Variants in SLC4A10 observed in about 807,000 individuals in gnomAD.
SLC4A10 encodes the protein sodium-driven chloride bicarbonate exchanger.
A neutral mutation model predicts 137.7 loss-of-function variants in SLC4A10; 42 were observed. The observed-to-expected ratio is 0.30, with a 90% CI of 0.24 to 0.39. The LOEUF is 0.39. Among genes scored for constraint, SLC4A10 ranks in the 10% least tolerant of loss-of-function variants. The probability of loss-of-function intolerance (pLI) is 1.00; values close to 1 mark genes in which losing one functional copy is unlikely to be tolerated. For synonymous variants in SLC4A10, 474 were observed against 464.1 expected, an observed-to-expected ratio of 1.02 and a Z score of -0.27; for missense variants, 925 against 1,355.0, an observed-to-expected ratio of 0.68 and a Z score of 4.98.
At chr2:161,680,804 T>C (rs968628744) in intron 1 of SLC4A10, among the ~76,000 whole-genome samples, 1 of 152,130 alleles carries the variant, frequency 6.6e-6, no homozygotes, top group Non-Finnish European at 1.5e-5. Context: ...ATTATTTTAA[T>C]AGCAGTCTGC....
intron 8 of SLC4A10, among the ~76,000 whole-genome samples, chr2:161,875,648 G>A (rs1439350269): frequency 1.3e-5 from 2 of 152,124 alleles, no homozygotes; most frequent in African/African-American, 2.4e-5. Flanking sequence ...TGTTGGTGGT[G>A]TTTTCTTTTA....
chr2:161,794,955 G>C (rs2054603366), intron 2 of SLC4A10, among the ~76,000 whole-genome samples: 1 of 151,580 alleles, frequency 6.6e-6, no homozygotes. Context: ...TTCATCAAAA[G>C]TGTCCTGCAA....
intron 2 of SLC4A10, among the ~76,000 whole-genome samples, chr2:161,797,647 A>C (rs2054919410): frequency 6.6e-6 from 1 of 151,930 alleles, no homozygotes; most frequent in South Asian, 2.1e-4. Context: ...TTTTTTTTAT[A>C]AGAAAACACA....
intron 1 of SLC4A10, among the ~76,000 whole-genome samples, chr2:161,760,807 C>T (rs574562988): frequency 4.6e-4 from 70 of 151,896 alleles, no homozygotes; most frequent in Non-Finnish European, 7.4e-4. Flanking sequence ...AGGATGGAAC[C>T]GTGTCCTAAT....
chr2:161,718,806 C>G (rs2045264556), intron 1 of SLC4A10, among the ~76,000 whole-genome samples: 1 of 152,094 alleles, frequency 6.6e-6, no homozygotes, highest in South Asian at 2.1e-4. Context: ...AGATAACTAT[C>G]AAGTTCACTT....
chr2:161,859,594 C>CTTT lies in SLC4A10; in HGVS notation c.578-3258_578-3256dup, dbSNP rs72003642. Among the ~76,000 whole-genome samples the CTTT allele has an allele frequency of 8.8e-3, 414 of 47,288 alleles. 5 individuals carry two copies. Among genetic ancestry groups the CTTT allele is most frequent in the African/African-American group, 9.4e-3 (115 of 12,184 alleles). 31.0% of individuals were successfully genotyped at this position (47,288 alleles called of 152,430 possible). A position where few individuals can be genotyped will look rare whatever the true frequency, so the allele number is the denominator to read the frequency against. On this transcript the variant is annotated intron_variant, in intron 5 of 26. Transcript: ENST00000446997. ...TCCTTTTTTTCTTTTCTTTTCTTTT[C>CTTT]TTTTTTTTTTTTTTTTTTTTTTTTG...
chr2:161,882,233 A>C, intron 9 of SLC4A10, 124 bp from the exon 10 acceptor site: 1 of 565,476 alleles, frequency 1.8e-6, no homozygotes, highest in Non-Finnish European at 3.0e-6. Flanking sequence ...ACTATGAAAA[A>C]CTATGGAAGT....
At chr2:161,788,686 CA>C (rs2053892160) in intron 2 of SLC4A10, among the ~76,000 whole-genome samples, 1 of 152,166 alleles carries the variant, frequency 6.6e-6, no homozygotes, top group Admixed American at 6.5e-5. Context: ...AAAATGAGCT[CA>C]GGGCAGAGCC....
intron 3 of SLC4A10, among the ~76,000 whole-genome samples, chr2:161,814,255 A>G (rs967301419): frequency 2.0e-5 from 3 of 152,176 alleles, no homozygotes; most frequent in Non-Finnish European, 4.4e-5. Flanking sequence ...CAAAATGGTG[A>G]TTATCAAAAA....
At chr2:161,980,578 C>T (rs184287774) in intron 26 of SLC4A10, among the ~76,000 whole-genome samples, 16 of 152,004 alleles carry the variant, frequency 1.1e-4, no homozygotes, top group African/African-American at 1.2e-4. Flanking sequence ...CAACCTGCGA[C>T]GTGGAGGTTG....
chr2:161,942,056 G>T (rs1692802888), intron 15 of SLC4A10, among the ~76,000 whole-genome samples: 1 of 152,096 alleles, frequency 6.6e-6, no homozygotes, highest in Non-Finnish European at 1.5e-5. Context: ...TGTTGCTTAG[G>T]CAGACCAAGT....
chr2:161,710,678 A>G (rs1279347241), intron 1 of SLC4A10: 4 of 455,434 alleles, frequency 8.8e-6, no homozygotes, highest in African/African-American at 8.0e-5. Flanking sequence ...ATGATTGGTC[A>G]TCTTCCTTAC....
intron 1 of SLC4A10, among the ~76,000 whole-genome samples, chr2:161,737,885 T>C (rs1463750483): frequency 6.6e-6 from 1 of 152,148 alleles, no homozygotes; most frequent in Non-Finnish European, 1.5e-5. Context: ...ACAAAGGGGA[T>C]AGAACACGAA....
In SLC4A10 at chr2:161,924,796, C is replaced by T. The variant is rs185671707; in HGVS notation, c.1998-17996C>T. Among the ~76,000 whole-genome samples the T allele has an allele frequency of 7.6e-4, 115 of 152,282 alleles. 1 individual carries two copies. Among genetic ancestry groups the T allele is most frequent in the Middle Eastern group, 6.8e-3 (2 of 294 alleles). On this transcript the variant is annotated intron_variant, in intron 15 of 26. Coordinates refer to ENST00000446997, the MANE Select transcript of SLC4A10 (RefSeq NM_001178015.2). ...GTACACTACCAGGAATGGAGTAACA[C>T]ATGCCATTGTATTCACTAACACAGT...
At chr2:161,727,431 G>T (rs766570683) in intron 1 of SLC4A10, among the ~76,000 whole-genome samples, 1 of 152,160 alleles carries the variant, frequency 6.6e-6, no homozygotes, top group Non-Finnish European at 1.5e-5. Context: ...CAAAGATTAT[G>T]CAATCTCTGA....
chr2:161,874,103 C>A, intron 8 of SLC4A10, 98 bp downstream of exon 8: 1 of 1,174,582 alleles, frequency 8.5e-7, no homozygotes, highest in Non-Finnish European at 1.2e-6. Flanking sequence ...GAAATGTATT[C>A]CATCTGCCAC....
chr2:161,979,220 A>G (rs1019547207), intron 26 of SLC4A10, among the ~76,000 whole-genome samples: 2 of 152,200 alleles, frequency 1.3e-5, no homozygotes, highest in African/African-American at 4.8e-5. Flanking sequence ...GTTCAAGCAA[A>G]AGTCTTGTGA....
chr2:161,749,425 A>G (rs2048718022), intron 1 of SLC4A10, among the ~76,000 whole-genome samples: 1 of 151,846 alleles, frequency 6.6e-6, no homozygotes, highest in African/African-American at 2.4e-5. Flanking sequence ...AATGGCCTTT[A>G]TTATGTTTAG....
intron 2 of SLC4A10, among the ~76,000 whole-genome samples, chr2:161,800,350 T>C (rs2055244532): frequency 6.6e-6 from 1 of 152,062 alleles, no homozygotes; most frequent in Admixed American, 6.6e-5. Context: ...TCTATTATAC[T>C]TGAAAACCAT....
Sources: allele counts gnomAD v4.1 joint callset (sites outside exome capture counted in the v4.1 genomes callset), GRCh38; gene constraint gnomAD v4.1.1; transcripts MANE v1.5; gene names NCBI Gene and HGNC (gene_info 2026-07-23, HGNC 2026-07-21).